RFLNA: variants seen among roughly 807,000 people sequenced by gnomAD.
RFLNA encodes refilin A.
Under a neutral mutation model 7.8 loss-of-function variants are expected in RFLNA, and 5 were observed. The ratio of observed to expected loss-of-function variants is 0.64; its 90% CI spans 0.34 to 1.35. The LOEUF (loss-of-function observed/expected upper bound fraction) is 1.35. Among genes scored for constraint, RFLNA ranks in the 40% most tolerant of loss-of-function variants. The pLI, the probability that RFLNA is intolerant of heterozygous loss-of-function variation, is 0.04. For missense variants in RFLNA, 278 were observed against 305.5 expected (o/e 0.91, Z 0.67); for synonymous variants, 141 against 131.3 (o/e 1.07, Z -0.50).
intron 1 of RFLNA, among the ~76,000 whole-genome samples, chr12:124,305,912 G>T (rs2034128998): frequency 6.6e-6 from 1 of 152,202 alleles, no homozygotes; most frequent in Non-Finnish European, 1.5e-5. Context: ...AGGGAGAGAT[G>T]GGGCCACCTC....
At chr12:124,304,086 G>A (rs566281360) in intron 1 of RFLNA, among the ~76,000 whole-genome samples, 90 of 152,364 alleles carry the variant, frequency 5.9e-4, no homozygotes, top group Non-Finnish European at 1.1e-3. Context: ...GGCCGCGAGA[G>A]GCACTTCCCT....
chr12:124,304,922 G>A (rs1000528355), intron 1 of RFLNA, among the ~76,000 whole-genome samples: 11 of 152,226 alleles, frequency 7.2e-5, no homozygotes, highest in African/African-American at 2.7e-4. Flanking sequence ...CACAGTAGGT[G>A]CTCAGCAAAC....
chr12:124,300,641 TGGATGGATCGATGGGCAAATAGATAGAA>T (rs1231113215), intron 1 of RFLNA, among the ~76,000 whole-genome samples: 8 of 149,126 alleles, frequency 5.4e-5, no homozygotes, highest in East Asian at 2.0e-4. Context: ...GATGGATGGA[TGGATGGATCGATGGGCAAATAGATAGAA>T]GGATGGATCG....
chr12:124,300,894 G>A (rs1266706264), intron 1 of RFLNA, among the ~76,000 whole-genome samples: 5 of 151,628 alleles, frequency 3.3e-5, no homozygotes, highest in Non-Finnish European at 7.4e-5. Context: ...GCAAATAGAA[G>A]GATGGATGGA....
rs955247359 is a variant in RFLNA, at chr12:124,306,360, G to T, written c.208-5458G>T. On this transcript the variant is annotated intron_variant, in intron 1 of 2. Coordinates refer to ENST00000546355, the MANE Select transcript of RFLNA (RefSeq NM_001365156.1). This position sits in a 1 kb window ranked among gnomAD's most constrained non-coding sequence, Gnocchi z 5.2. Reference sequence around the variant, plus strand: ...CTCTCACCAGCCCAAGCGAGAAGCAGCCAGTGCAGCAGGGAACAGCGGGAA... The same window carrying T: ...CTCTCACCAGCCCAAGCGAGAAGCATCCAGTGCAGCAGGGAACAGCGGGAA... Among the ~76,000 whole-genome samples the T allele has an allele frequency of 2.0e-5, 3 of 152,202 alleles. No individual in the cohort carries two copies. Among genetic ancestry groups the T allele is most frequent in the African/African-American group, 7.2e-5 (3 of 41,448 alleles).
At chr12:124,292,106 CT>C (rs2033833194), upstream of RFLNA, among the ~76,000 whole-genome samples, 1 of 152,218 alleles carries the variant, frequency 6.6e-6, no homozygotes, top group African/African-American at 2.4e-5. Context: ...TTTCATCCAA[CT>C]TTGTTTATGT....
chr12:124,314,946 A>C lies in RFLNA; in HGVS notation c.*421A>C. ...CACTCCCCCAGAGCCCTGCCACCCC[A>C]TGTGTCCTAGGCTGGTGGCCAAGGC... is the stretch of plus-strand genomic sequence containing the variant. On this transcript the variant is annotated 3_prime_UTR_variant, in exon 3 of 3. Coordinates refer to ENST00000546355, the MANE Select transcript of RFLNA (RefSeq NM_001365156.1). The C allele has an allele frequency of 2.7e-6, 1 of 364,164 alleles. No homozygotes were observed. The allele number at this position is 364,164 out of a possible 1,614,324, so 22.6% of individuals were successfully genotyped here. A position where few individuals can be genotyped will look rare whatever the true frequency, so the allele number is the denominator to read the frequency against.
intron 1 of RFLNA, among the ~76,000 whole-genome samples, chr12:124,304,132 G>A (rs1043159848): frequency 2.0e-5 from 3 of 152,236 alleles, no homozygotes; most frequent in Admixed American, 6.5e-5. Context: ...TCCACAGGGC[G>A]CCACGACCGT....
chr12:124,307,457 G>A (rs2034155797), intron 1 of RFLNA, among the ~76,000 whole-genome samples: 2 of 152,324 alleles, frequency 1.3e-5, no homozygotes, highest in East Asian at 1.9e-4. Context: ...ACACTCCTGC[G>A]CCCCTGGTGT....
At position 124,296,878 on chromosome 12, in the gene RFLNA, G is replaced by A. The variant is rs375856367; in HGVS notation, c.207+1242G>A. ...GTGATTGTACTGTTCAGCAAAGTCT[G>A]GGAGTCACTATCTTAGACCAAATCA... On this transcript the variant is annotated intron_variant, in intron 1 of 2. Coordinates refer to ENST00000546355, the MANE Select transcript of RFLNA (RefSeq NM_001365156.1). 1.2e-3 allele frequency among the ~76,000 whole-genome samples: 184 copies of A among 152,300 alleles called. 1 individual carries two copies. The Middle Eastern group carries it at 0.014, about 11-fold the overall frequency.
At chr12:124,302,819 G>GAGGTCAGAGGGCCA (rs2034065734) in intron 1 of RFLNA, among the ~76,000 whole-genome samples, 1 of 147,962 alleles carries the variant, frequency 6.8e-6, no homozygotes, top group Non-Finnish European at 1.5e-5. Context: ...GTCAGGGGCC[G>GAGGTCAGAGGGCCA]AGGTCAGGGG....
chr12:124,302,213 G>A (rs2034050243), intron 1 of RFLNA, among the ~76,000 whole-genome samples: 1 of 152,218 alleles, frequency 6.6e-6, no homozygotes, highest in East Asian at 1.9e-4. Flanking sequence ...GCAGGTACCA[G>A]GGTTTAGGAC....
chr12:124,314,307 A>T lies in RFLNA; in HGVS notation c.433A>T (p.Thr145Ser). The T allele has an allele frequency of 6.2e-7, 1 of 1,613,442 alleles. No individual in the cohort carries two copies. The highest frequency in any genetic ancestry group is 8.5e-7 in the Non-Finnish European group (1 of 1,180,006). The change falls in exon 3 of 3, where the codon ACG (threonine) becomes TCG (serine). Residue 145 changes from threonine (T) to serine (S), a missense_variant. Coordinates refer to ENST00000546355, the MANE Select transcript of RFLNA (RefSeq NM_001365156.1). The part of the protein sequence containing the change: ...SETIVAAPNC[T>S]WRNYRSQLTL... ...GACCATCGTGGCAGCACCCAACTGCACGTGGCGCAACTACCGCAGCCAGCT... is the reference window on the plus strand; with the variant it reads ...GACCATCGTGGCAGCACCCAACTGCTCGTGGCGCAACTACCGCAGCCAGCT...
intron 1 of RFLNA, among the ~76,000 whole-genome samples, chr12:124,308,068 GC>G (rs1211905588): frequency 1.3e-5 from 2 of 150,496 alleles, no homozygotes; most frequent in Non-Finnish European, 2.9e-5. Context: ...TGCAACCTCT[GC>G]CTCCTGGGTT....
chr12:124,291,206 A>G (rs939161909), upstream of RFLNA, among the ~76,000 whole-genome samples: 9 of 152,116 alleles, frequency 5.9e-5, no homozygotes, highest in African/African-American at 2.2e-4. Flanking sequence ...AACCTCTCTG[A>G]GTCTCCATGG....
At chr12:124,298,659 G>A (rs997216149) in intron 1 of RFLNA, among the ~76,000 whole-genome samples, 2 of 152,222 alleles carry the variant, frequency 1.3e-5, no homozygotes, top group African/African-American at 2.4e-5. Flanking sequence ...GCATCCTAGC[G>A]GAAGAGACAC....
chr12:124,298,025 C>T (rs1002925736), intron 1 of RFLNA, among the ~76,000 whole-genome samples: 2 of 152,236 alleles, frequency 1.3e-5, no homozygotes, highest in African/African-American at 2.4e-5. Context: ...TTCCAACACC[C>T]GAGGAAGAGG....
Position 124,309,658 on chromosome 12 carries a change from G to A in RFLNA, c.208-2160G>A, listed in dbSNP as rs181944672. ...CTCCCTGAGCCCTTGGAGCGGGCAC[G>A]TGTAGTTCCAGCAGAGGCCCTAGGG... On this transcript the variant is annotated intron_variant, in intron 1 of 2. Coordinates refer to ENST00000546355, the MANE Select transcript of RFLNA (RefSeq NM_001365156.1). Among the ~76,000 whole-genome samples, 33 of 152,350 alleles carry A rather than the reference G, an allele frequency of 2.2e-4. No homozygotes were observed. The East Asian group carries it at 5.4e-3, about 25-fold the overall frequency.
chr12:124,314,765 A>C lies in RFLNA; in HGVS notation c.*240A>C. 1.3e-6 allele frequency: 1 copy of C among 751,602 alleles called. No homozygotes were observed. The highest frequency in any genetic ancestry group is 2.3e-6 in the Non-Finnish European group (1 of 433,666). The allele number at this position is 751,602 out of a possible 1,614,324, so 46.6% of individuals were successfully genotyped here. On this transcript the variant is annotated 3_prime_UTR_variant, in exon 3 of 3. Transcript: ENST00000546355. ...AAAAGCATCTATTTTTTTAGCACTTAAGCTGGCAAGGCGGTAGGGGCATGC... is the reference window on the plus strand; with the variant it reads ...AAAAGCATCTATTTTTTTAGCACTTCAGCTGGCAAGGCGGTAGGGGCATGC...
Sources: gnomAD v4.1 joint callset for allele counts (sites outside exome capture counted in the v4.1 genomes callset) on GRCh38, gnomAD v4.1.1 for gene constraint, Gnocchi (gnomAD v3.1) non-coding constraint, MANE v1.5 for transcripts, NCBI Gene and HGNC (gene_info 2026-07-23, HGNC 2026-07-21) for gene names.